CTNNA3: variants seen among roughly 807,000 people sequenced by gnomAD.
The protein encoded by CTNNA3 is catenin alpha-3.
A neutral mutation model predicts 95.7 loss-of-function variants in CTNNA3; 76 were observed. That is an observed-to-expected ratio of 0.79 (90% CI 0.66 to 0.96). The LOEUF is 0.96. Among genes scored for constraint, CTNNA3 ranks in the 40% least tolerant of loss-of-function variants. The pLI, the probability that CTNNA3 is intolerant of heterozygous loss-of-function variation, is 0.00. For synonymous variants in CTNNA3, 431 were observed against 374.4 expected, an observed-to-expected ratio of 1.15 and a Z score of -1.74; for missense variants, 1,191 against 1,089.8, an observed-to-expected ratio of 1.09 and a Z score of -1.31.
intron 5 of CTNNA3, among the ~76,000 whole-genome samples, chr10:67,408,882 C>CCAAAAAAAAAAAAAAA (rs1554833433): frequency 2.1e-5 from 2 of 97,214 alleles, no homozygotes; most frequent in Admixed American, 1.3e-4. Context: ...CTTAAATTTA[C>CCAAAAAAAAAAAAAAA]AAAAAAAAAA....
chr10:65,981,365 A>C (rs996507955), intron 16 of CTNNA3, among the ~76,000 whole-genome samples: 1 of 152,220 alleles, frequency 6.6e-6, no homozygotes, highest in Non-Finnish European at 1.5e-5. Context: ...AAACAAATGG[A>C]AACACTCCCA....
chr10:67,389,018 C>G (rs1323638418), intron 5 of CTNNA3, among the ~76,000 whole-genome samples: 24 of 151,540 alleles, frequency 1.6e-4, no homozygotes, highest in East Asian at 9.7e-4. Context: ...AGCAAAATAA[C>G]CAGCTAACAT....
chr10:65,938,077 G>T (rs1396503928), intron 17 of CTNNA3, among the ~76,000 whole-genome samples: 1 of 152,148 alleles, frequency 6.6e-6, no homozygotes, highest in African/African-American at 2.4e-5. Flanking sequence ...ATCCTGCAAA[G>T]ATTTTGAAGG....
At chr10:67,480,474 C>T (rs112746339) in intron 5 of CTNNA3, among the ~76,000 whole-genome samples, 2,592 of 152,262 alleles carry the variant, frequency 0.017, 76 homozygotes, top group African/African-American at 0.057. Context: ...GGCTATGATG[C>T]CCATGCTGGA....
At chr10:66,009,262 T>G (rs996766307) in intron 15 of CTNNA3, among the ~76,000 whole-genome samples, 1 of 152,206 alleles carries the variant, frequency 6.6e-6, no homozygotes, top group Non-Finnish European at 1.5e-5. Flanking sequence ...GACATCTTGT[T>G]CTGTTTGGGC....
chr10:67,692,736 T>TAAAAAAAAAAAAAA (rs200961420), intron 1 of CTNNA3, among the ~76,000 whole-genome samples: 4 of 80,840 alleles, frequency 4.9e-5, no homozygotes, highest in African/African-American at 1.9e-4. Context: ...GAATGATCAA[T>TAAAAAAAAAAAAAA]AAAAAAAAAA....
chr10:67,733,835 TA>T (rs1302658014), intron 1 of CTNNA3, among the ~76,000 whole-genome samples: 1 of 152,188 alleles, frequency 6.6e-6, no homozygotes, highest in Non-Finnish European at 1.5e-5. Flanking sequence ...AGTCAGACCC[TA>T]AATTTGGCTG....
chr10:67,635,958 C>T (rs952185263), intron 2 of CTNNA3, among the ~76,000 whole-genome samples: 3 of 152,158 alleles, frequency 2.0e-5, no homozygotes, highest in Non-Finnish European at 4.4e-5. Flanking sequence ...TGATAAGCAA[C>T]TTCAGCAAAG....
At chr10:66,235,079 T>C (rs978544850) in intron 13 of CTNNA3, among the ~76,000 whole-genome samples, 2 of 152,194 alleles carry the variant, frequency 1.3e-5, no homozygotes, top group Non-Finnish European at 2.9e-5. Flanking sequence ...AGCCTTCAGA[T>C]AGACAGCAGC....
At chr10:67,722,034 T>A (rs1284684618) in intron 1 of CTNNA3, among the ~76,000 whole-genome samples, 1 of 152,172 alleles carries the variant, frequency 6.6e-6, no homozygotes, top group African/African-American at 2.4e-5. Flanking sequence ...ATGTTGGTCT[T>A]GCCGGGAGCT....
chr10:67,503,200 G>A (rs528218167), intron 5 of CTNNA3, among the ~76,000 whole-genome samples: 2 of 152,320 alleles, frequency 1.3e-5, no homozygotes, highest in East Asian at 1.9e-4. Context: ...AGTCCCTCAC[G>A]GCTTCCCTTG....
intron 15 of CTNNA3, among the ~76,000 whole-genome samples, chr10:66,035,200 T>C (rs1311392024): frequency 2.0e-5 from 3 of 152,116 alleles, no homozygotes; most frequent in Non-Finnish European, 4.4e-5. Context: ...GGTAATTAGA[T>C]GGATAAATAG....
intron 5 of CTNNA3, among the ~76,000 whole-genome samples, chr10:67,454,711 C>T (rs1391240902): frequency 6.6e-6 from 1 of 151,952 alleles, no homozygotes; most frequent in Non-Finnish European, 1.5e-5. Flanking sequence ...TTATGAACCT[C>T]TACCAATGGA....
At chr10:66,423,523 A>G (rs1230955602) in intron 11 of CTNNA3, among the ~76,000 whole-genome samples, 1 of 152,182 alleles carries the variant, frequency 6.6e-6, no homozygotes, top group Non-Finnish European at 1.5e-5. Flanking sequence ...AACATAAACC[A>G]CAAATGACAT....
At chr10:66,023,683 T>C (rs2079271447) in intron 15 of CTNNA3, among the ~76,000 whole-genome samples, 1 of 152,208 alleles carries the variant, frequency 6.6e-6, no homozygotes, top group Non-Finnish European at 1.5e-5. Context: ...CTAGACGTAT[T>C]GTGAAATTGC....
intron 5 of CTNNA3, among the ~76,000 whole-genome samples, chr10:67,443,024 C>T (rs1436171786): frequency 1.4e-5 from 2 of 144,720 alleles, no homozygotes; most frequent in Admixed American, 7.2e-5. Context: ...CAATTCCCAT[C>T]TATGAGTGAG....
chr10:66,811,637 T>C (rs761471206), intron 7 of CTNNA3, among the ~76,000 whole-genome samples: 4 of 152,322 alleles, frequency 2.6e-5, no homozygotes, highest in Middle Eastern at 6.8e-3. Context: ...TCCTAGGTCA[T>C]TGGAATAACC....
At position 66,643,625 on chromosome 10, in the gene CTNNA3, A is replaced by AT. The variant is rs1359923101; in HGVS notation, c.1282-21842dup. Among the ~76,000 whole-genome samples the AT allele has an allele frequency of 4.6e-5, 7 of 152,154 alleles. No homozygotes were observed. The East Asian group carries it at 1.4e-3, about 29-fold the overall frequency. ...ATAATTCCCCATGGTCCCTTGCTCT[A>AT]TTTTTCATCTGTTGTAACACATAAA... On this transcript the variant is annotated intron_variant, in intron 9 of 17. Coordinates refer to ENST00000433211, the MANE Select transcript of CTNNA3 (RefSeq NM_013266.4).
chr10:67,032,819 C>T (rs1398701382), intron 7 of CTNNA3, among the ~76,000 whole-genome samples: 2 of 152,142 alleles, frequency 1.3e-5, no homozygotes, highest in Admixed American at 6.5e-5. Flanking sequence ...TATCAGACCA[C>T]ACTGAATCCT....
Sources: allele counts gnomAD v4.1 joint callset (sites outside exome capture counted in the v4.1 genomes callset), GRCh38; gene constraint gnomAD v4.1.1; transcripts MANE v1.5; gene names NCBI Gene and HGNC (gene_info 2026-07-23, HGNC 2026-07-21).